PTCHD4: variants seen among roughly 807,000 people sequenced by gnomAD.
PTCHD4 encodes patched domain-containing protein 4.
PTCHD4 carries 33 observed loss-of-function variants against 58.1 expected under a neutral mutation model. The ratio of observed to expected loss-of-function variants is 0.57; its 90% CI spans 0.43 to 0.76. The LOEUF (loss-of-function observed/expected upper bound fraction) is 0.76, where lower values mean the gene tolerates loss of function less well. Among genes scored for constraint, PTCHD4 ranks in the 30% least tolerant of loss-of-function variants. The probability of loss-of-function intolerance (pLI) is 0.00; values close to 1 mark genes in which losing one functional copy is unlikely to be tolerated. For synonymous variants in PTCHD4, 478 were observed against 409.6 expected, an observed-to-expected ratio of 1.17 and a Z score of -2.02; for missense variants, 1,058 against 1,027.1, an observed-to-expected ratio of 1.03 and a Z score of -0.41.
chr6:47,915,556 G>A (rs903035078), intron 4 of PTCHD4, among the ~76,000 whole-genome samples: 1 of 136,928 alleles, frequency 7.3e-6, no homozygotes, highest in African/African-American at 2.6e-5. Flanking sequence ...AAGACTCATA[G>A]AAAATAGAAG....
intron 3 of PTCHD4, among the ~76,000 whole-genome samples, chr6:48,060,602 T>G (rs1203624891): frequency 1.3e-5 from 2 of 152,184 alleles, no homozygotes; most frequent in East Asian, 3.9e-4. Context: ...GCCTCTCAAG[T>G]AGCTGTGTCC....
rs80026306 is a variant in PTCHD4 at position 48,003,559 on chromosome 6, C to T, written c.898+5075G>A. Among the ~76,000 whole-genome samples the T allele has an allele frequency of 1.4e-3, 220 of 152,306 alleles. 1 individual carries two copies. Among genetic ancestry groups the T allele is most frequent in the African/African-American group, 4.4e-3 (185 of 41,580 alleles). On this transcript the variant is annotated intron_variant, in intron 4 of 4. Transcript: ENST00000339488. ...TATTTCACATCACCATTATATCCCA[C>T]GCAAAATTTGCAATAACCTGTTAAA...
chr6:47,905,377 G>A (rs1764845014), intron 4 of PTCHD4, among the ~76,000 whole-genome samples: 1 of 152,106 alleles, frequency 6.6e-6, no homozygotes, highest in African/African-American at 2.4e-5. Flanking sequence ...TGATGATGGT[G>A]GCTTAGACTA....
intron 3 of PTCHD4, among the ~76,000 whole-genome samples, chr6:48,025,904 T>C (rs572313785): frequency 6.6e-6 from 1 of 152,064 alleles, no homozygotes; most frequent in Non-Finnish European, 1.5e-5. Context: ...ACAGGGCTAC[T>C]CAATTGGAAA....
chr6:48,058,577 A>G (rs971022897), intron 3 of PTCHD4, among the ~76,000 whole-genome samples: 1 of 152,242 alleles, frequency 6.6e-6, no homozygotes, highest in Admixed American at 6.5e-5. Flanking sequence ...ATTAAAAAAT[A>G]TGCTTATGGG....
At position 47,873,287 on chromosome 6, in the gene PTCHD4, A is replaced by C. The variant is rs1763764630; in HGVS notation, c.*5016T>G. On this transcript the variant is annotated 3_prime_UTR_variant, in exon 5 of 5. Coordinates refer to ENST00000339488, the MANE Select transcript of PTCHD4 (RefSeq NM_001384253.1). ...TCTCTGCTGTATTCTAAATCACAGA[A>C]TATGTGGTATTATTCCACTTGTTCT... is the stretch of plus-strand genomic sequence containing the variant. Among the ~76,000 whole-genome samples the C allele has an allele frequency of 6.6e-6, 1 of 151,740 alleles. No homozygotes were observed. The highest frequency in any genetic ancestry group is 2.4e-5 in the African/African-American group (1 of 41,382).
At chr6:48,101,009 A>C (rs1244254255) in intron 1 of PTCHD4, among the ~76,000 whole-genome samples, 3 of 152,118 alleles carry the variant, frequency 2.0e-5, no homozygotes, top group Admixed American at 6.5e-5. Context: ...TGGAGGTATA[A>C]ATTTTTCTAT....
chr6:47,962,274 C>A (rs1767127393), intron 4 of PTCHD4, among the ~76,000 whole-genome samples: 1 of 152,108 alleles, frequency 6.6e-6, no homozygotes, highest in Non-Finnish European at 1.5e-5. Context: ...TTAAGGGGAA[C>A]TTTGCTGTGC....
intron 1 of PTCHD4, among the ~76,000 whole-genome samples, chr6:48,110,662 T>C (rs906076924): frequency 8.9e-5 from 13 of 146,142 alleles, no homozygotes; most frequent in African/African-American, 1.3e-4. Flanking sequence ...CACACACACA[T>C]ACACACACAA....
chr6:47,876,479 T>G lies in PTCHD4; in HGVS notation c.*1824A>C, dbSNP rs1374842077. 1.3e-5 allele frequency among the ~76,000 whole-genome samples: 2 copies of G among 152,016 alleles called. No homozygotes were observed. Among genetic ancestry groups the G allele is most frequent in the African/African-American group, 2.4e-5 (1 of 41,436 alleles). On this transcript the variant is annotated 3_prime_UTR_variant, in exon 5 of 5. Coordinates refer to ENST00000339488, the MANE Select transcript of PTCHD4 (RefSeq NM_001384253.1). ...TTTATATTCTGGAAAGTTATATGTC[T>G]AAGTATACTTGTTTTGTTACTTCAT... is the stretch of plus-strand genomic sequence containing the variant.
intron 4 of PTCHD4, among the ~76,000 whole-genome samples, chr6:47,951,473 C>G (rs1169727104): frequency 6.6e-6 from 1 of 152,130 alleles, no homozygotes; most frequent in Non-Finnish European, 1.5e-5. Context: ...TATCAACATA[C>G]TACAATAAAA....
intron 4 of PTCHD4, among the ~76,000 whole-genome samples, chr6:47,986,923 C>T (rs182022932): frequency 8.5e-5 from 13 of 152,246 alleles, no homozygotes; most frequent in African/African-American, 2.9e-4. Flanking sequence ...TGGTGTGTTG[C>T]AGCGTCATAC....
chr6:48,056,285 A>T (rs979005456), intron 3 of PTCHD4, among the ~76,000 whole-genome samples: 1 of 152,226 alleles, frequency 6.6e-6, no homozygotes, highest in Non-Finnish European at 1.5e-5. Flanking sequence ...TAAGTAACAC[A>T]TATACTTATT....
chr6:48,033,161 A>G (rs939110610), intron 3 of PTCHD4, among the ~76,000 whole-genome samples: 1 of 152,168 alleles, frequency 6.6e-6, no homozygotes, highest in Non-Finnish European at 1.5e-5. Context: ...ACAGTAAATC[A>G]TCTCTCAAAG....
intron 3 of PTCHD4, among the ~76,000 whole-genome samples, chr6:48,066,167 T>G (rs1418344202): frequency 6.7e-6 from 1 of 150,268 alleles, no homozygotes; most frequent in Non-Finnish European, 1.5e-5. Flanking sequence ...CTCACGAGAG[T>G]GAGAACTTTG....
chr6:48,097,034 T>C (rs1464641019), intron 1 of PTCHD4, among the ~76,000 whole-genome samples: 1 of 152,120 alleles, frequency 6.6e-6, no homozygotes, highest in East Asian at 1.9e-4. Flanking sequence ...TGACAAACAG[T>C]TAAGTAATAA....
rs149327793 is a variant in PTCHD4, at chr6:47,867,527, CTGGCAA to C, written c.*10770_*10775del. 0.036 allele frequency among the ~76,000 whole-genome samples: 5,464 copies of C among 151,704 alleles called. 641 individuals carry two copies. The highest frequency in any genetic ancestry group is 0.28 in the East Asian group (1,413 of 5,082). The stretch of plus-strand genomic sequence containing the variant: ...CAAAATCCAAGTAACTCCCCATATC[CTGGCAA>C]TGCTTTATAATACCACTCACAATGG... On this transcript the variant is annotated 3_prime_UTR_variant, in exon 5 of 5. Coordinates refer to ENST00000339488, the MANE Select transcript of PTCHD4 (RefSeq NM_001384253.1).
intron 4 of PTCHD4, among the ~76,000 whole-genome samples, chr6:47,903,603 C>G (rs1764784012): frequency 6.6e-6 from 1 of 152,170 alleles, no homozygotes; most frequent in Admixed American, 6.5e-5. Flanking sequence ...GTATAAGCAA[C>G]CATGCCTGGC....
Position 47,922,881 on chromosome 6 carries a change from C to T in PTCHD4, c.899-42945G>A, listed in dbSNP as rs555149612. Reference sequence around the variant, plus strand: ...GCCTGGTTCCCAATTACTGCTCAGTCCTACTGGGATTCCTTTGCTGAATGC... The same window carrying T: ...GCCTGGTTCCCAATTACTGCTCAGTTCTACTGGGATTCCTTTGCTGAATGC... On this transcript the variant is annotated intron_variant, in intron 4 of 4. Transcript: ENST00000339488. Among the ~76,000 whole-genome samples the T allele has an allele frequency of 4.6e-5, 7 of 152,320 alleles. No individual in the cohort carries two copies. In the East Asian group the frequency reaches 1.4e-3, roughly 29 times the overall value.
Sources: gnomAD v4.1 joint callset for allele counts (sites outside exome capture counted in the v4.1 genomes callset) on GRCh38, gnomAD v4.1.1 for gene constraint, MANE v1.5 for transcripts, NCBI Gene and HGNC (gene_info 2026-07-23, HGNC 2026-07-21) for gene names.